The following C12orf54 variants were observed in gnomAD, a reference collection of about 807,000 sequenced individuals.
C12orf54 encodes the protein chromosome 12 open reading frame 54.
A neutral mutation model predicts 26.4 loss-of-function variants in C12orf54; 24 were observed. That is an observed-to-expected ratio of 0.91 (90% CI 0.66 to 1.28). The LOEUF is 1.28. Among genes scored for constraint, C12orf54 ranks in the 50% most tolerant of loss-of-function variants. The probability of loss-of-function intolerance (pLI) is 0.00; values close to 1 mark genes in which losing one functional copy is unlikely to be tolerated. For missense variants in C12orf54, 154 were observed against 150.9 expected, an observed-to-expected ratio of 1.02 and a Z score of -0.11; for synonymous variants, 54 against 47.0, an observed-to-expected ratio of 1.15 and a Z score of -0.61.
chr12:48,448,904 A>AG, the C12orf54 span, among the ~76,000 whole-genome samples: 1 of 152,182 alleles, frequency 6.6e-6, no homozygotes, highest in African/African-American at 2.4e-5. Flanking sequence ...TATACATTTT[A>AG]GGGGGGCATG....
chr12:48,471,618 G>C, the C12orf54 span, among the ~76,000 whole-genome samples: 2 of 152,082 alleles, frequency 1.3e-5, no homozygotes, highest in Non-Finnish European at 2.9e-5. Context: ...CCCATTGCTT[G>C]TTTTTCTTGG....
chr12:48,474,184 C>T, the C12orf54 span, among the ~76,000 whole-genome samples: 1 of 152,146 alleles, frequency 6.6e-6, no homozygotes, highest in Admixed American at 6.5e-5. Context: ...TATTAGAATG[C>T]TTTGTTTTAC....
chr12:48,444,677 A>G, the C12orf54 span, among the ~76,000 whole-genome samples: 519 of 152,262 alleles, frequency 3.4e-3, 2 homozygotes, highest in African/African-American at 0.012. Context: ...TGCTTCATCT[A>G]TTCAAACTCT....
At chr12:48,478,740 A>G (rs1203902373), upstream of C12orf54, among the ~76,000 whole-genome samples, 2 of 152,236 alleles carry the variant, frequency 1.3e-5, no homozygotes, top group African/African-American at 2.4e-5. Flanking sequence ...GAAGACATTT[A>G]TGCAGCCAAA....
the C12orf54 span, among the ~76,000 whole-genome samples, chr12:48,433,638 G>C: frequency 1.3e-5 from 2 of 152,070 alleles, no homozygotes; most frequent in Non-Finnish European, 2.9e-5. Context: ...TAGTAGAGAC[G>C]GGGTTTCACC....
At chr12:48,448,044 C>T in the C12orf54 span, among the ~76,000 whole-genome samples, 1 of 151,298 alleles carries the variant, frequency 6.6e-6, no homozygotes, top group Admixed American at 6.6e-5. Flanking sequence ...AGACCTCAGT[C>T]CCGCAACTGA....
upstream of C12orf54, among the ~76,000 whole-genome samples, chr12:48,479,822 A>G (rs952238653): frequency 1.3e-5 from 2 of 152,072 alleles, no homozygotes; most frequent in Non-Finnish European, 2.9e-5. Context: ...AGACGAGCCA[A>G]ACTTTGAGTT....
the C12orf54 span, among the ~76,000 whole-genome samples, chr12:48,450,439 G>A: frequency 6.6e-6 from 1 of 152,062 alleles, no homozygotes; most frequent in Non-Finnish European, 1.5e-5. Flanking sequence ...AGAGCCAAGA[G>A]CAAACCAACC....
the C12orf54 span, chr12:48,473,114 G>A: frequency 2.4e-5 from 39 of 1,612,372 alleles, no homozygotes; most frequent in South Asian, 3.3e-5. Flanking sequence ...GCTGTGACCC[G>A]GATGACAAGG....
the C12orf54 span, among the ~76,000 whole-genome samples, chr12:48,463,912 A>G: frequency 6.6e-6 from 1 of 152,104 alleles, no homozygotes; most frequent in Non-Finnish European, 1.5e-5. Flanking sequence ...TCAACAAACT[A>G]GGTATTGAAG....
chr12:48,450,985 G>A, the C12orf54 span, among the ~76,000 whole-genome samples: 10 of 152,108 alleles, frequency 6.6e-5, no homozygotes, highest in South Asian at 1.9e-3. Flanking sequence ...TATGAGGCCA[G>A]CATCATCCTG....
At chr12:48,472,011 G>T in the C12orf54 span, among the ~76,000 whole-genome samples, 1 of 151,996 alleles carries the variant, frequency 6.6e-6, no homozygotes, top group Non-Finnish European at 1.5e-5. Context: ...GCCATCTCTG[G>T]TTTCTTTGAG....
chr12:48,487,030 G>A (rs1937663325), intron 4 of C12orf54, among the ~76,000 whole-genome samples: 1 of 152,124 alleles, frequency 6.6e-6, no homozygotes, highest in Non-Finnish European at 1.5e-5. Context: ...GAAAGCACAG[G>A]TTTGGCCTTT....
At chr12:48,453,599 T>TACACATATATATGTGTATATATACA in the C12orf54 span, among the ~76,000 whole-genome samples, 1 of 18,190 alleles carries the variant, frequency 5.5e-5, no homozygotes, top group African/African-American at 2.2e-4. Context: ...ATGTGTATAT[T>TACACATATATATGTGTATATATACA]CATGTTCTGA....
chr12:48,413,950 T>G, the C12orf54 span, among the ~76,000 whole-genome samples: 1 of 152,188 alleles, frequency 6.6e-6, no homozygotes, highest in Non-Finnish European at 1.5e-5. Flanking sequence ...TTGCTCCTCC[T>G]TGGCTTCCAT....
chr12:48,478,371 C>T (rs1592195910), upstream of C12orf54, among the ~76,000 whole-genome samples: 2 of 152,196 alleles, frequency 1.3e-5, no homozygotes, highest in East Asian at 1.9e-4. Flanking sequence ...CACTCCTATT[C>T]AACATAGTGT....
rs1937873945 is a variant in C12orf54 at position 48,494,807 on chromosome 12, G to T, written c.252G>T (p.Arg84Ser). 1 of 1,613,668 alleles carries T rather than the reference G, an allele frequency of 6.2e-7. No individual in the cohort carries two copies. Among genetic ancestry groups the T allele is most frequent in the Admixed American group, 1.7e-5 (1 of 59,996 alleles). The change falls in exon 8 of 9, where the codon AGG (arginine) becomes AGT (serine). Residue 84 changes from arginine (R) to serine (S), a missense_variant. Physicochemically the swap from Arg to Ser is moderately radical, Grantham distance 110. Coordinates refer to ENST00000548364, the MANE Select transcript of C12orf54 (RefSeq NM_152319.4). Reference sequence around the variant, plus strand: ...CTCTATTTTGGCACAGAAGCATAAGGCCTCCAGATTCCTTGATGACCCCAA... The same window carrying T: ...CTCTATTTTGGCACAGAAGCATAAGTCCTCCAGATTCCTTGATGACCCCAA... ...MTSAPRTGSI[R>S]PPDSLMTPKL... is the part of the protein sequence containing the mutation.
chr12:48,453,258 G>A, the C12orf54 span, among the ~76,000 whole-genome samples: 2 of 152,134 alleles, frequency 1.3e-5, no homozygotes, highest in African/African-American at 2.4e-5. Flanking sequence ...AACACCACAT[G>A]TTCTCACTTA....
chr12:48,469,117 T>A, the C12orf54 span, among the ~76,000 whole-genome samples: 22,337 of 151,994 alleles, frequency 0.15, 2,822 homozygotes, highest in East Asian at 0.65. Context: ...CCTGCTGAGC[T>A]CACATTGTCA....
Sources: allele counts gnomAD v4.1 joint callset (sites outside exome capture counted in the v4.1 genomes callset), GRCh38; gene constraint gnomAD v4.1.1; transcripts MANE v1.5; gene names NCBI Gene and HGNC (gene_info 2026-07-23, HGNC 2026-07-21).